Variants in SUGCT observed in about 807,000 individuals in gnomAD.
SUGCT encodes the protein succinyl-CoA:glutarate CoA-transferase.
In SUGCT, 41 loss-of-function variants were observed where a neutral mutation model predicts 55.0. The ratio of observed to expected loss-of-function variants is 0.74; its 90% CI spans 0.58 to 0.97. SUGCT has a LOEUF of 0.97. Among genes scored for constraint, SUGCT ranks in the 50% least tolerant of loss-of-function variants. SUGCT has a pLI of 0.00. For synonymous variants in SUGCT, 187 were observed against 200.4 expected, an observed-to-expected ratio of 0.93 and a Z score of 0.56; for missense variants, 568 against 547.8, an observed-to-expected ratio of 1.04 and a Z score of -0.37.
chr7:40,469,059 A>G (rs964835762), intron 11 of SUGCT, among the ~76,000 whole-genome samples: 1 of 152,166 alleles, frequency 6.6e-6, no homozygotes, highest in African/African-American at 2.4e-5. Flanking sequence ...CCACTCTCCC[A>G]TATCTACATG....
At chr7:40,483,478 C>A (rs773240649) in intron 11 of SUGCT, among the ~76,000 whole-genome samples, 1 of 152,056 alleles carries the variant, frequency 6.6e-6, no homozygotes, top group Non-Finnish European at 1.5e-5. Context: ...TCATAATAAG[C>A]TTATGAGATA....
At chr7:40,525,882 G>C (rs1199021273) in intron 12 of SUGCT, among the ~76,000 whole-genome samples, 1 of 152,142 alleles carries the variant, frequency 6.6e-6, no homozygotes, top group African/African-American at 2.4e-5. Flanking sequence ...TGCAGAAGAC[G>C]GTGTTTGCGT....
chr7:40,358,946 A>G (rs1245198675), intron 9 of SUGCT, among the ~76,000 whole-genome samples: 5 of 152,202 alleles, frequency 3.3e-5, no homozygotes, highest in Non-Finnish European at 4.4e-5. Flanking sequence ...TCTCTCAGGC[A>G]TAGGTAACTG....
chr7:40,811,965 TTG>T (rs1429039107), intron 13 of SUGCT, among the ~76,000 whole-genome samples: 1 of 152,146 alleles, frequency 6.6e-6, no homozygotes, highest in Non-Finnish European at 1.5e-5. Flanking sequence ...TTGAGGGTTT[TTG>T]TCATGAAGGG....
At position 40,548,389 on chromosome 7, in the gene SUGCT, G is replaced by GGTCTT. The variant is rs201195470; in HGVS notation, c.1089+52005_1089+52009dup. 1.3e-3 allele frequency among the ~76,000 whole-genome samples: 196 copies of GGTCTT among 151,896 alleles called. 4 individuals are homozygous for GGTCTT. The East Asian group carries it at 0.034, about 26-fold the overall frequency. On this transcript the variant is annotated intron_variant, in intron 12 of 13. Transcript: ENST00000335693. ...AATTTTTAACGGTTTTTGTAAGACA[G>GGTCTT]GTCTTGCTTTGTTGCTTAAGTGCAT...
chr7:40,527,315 T>G (rs1793851164), intron 12 of SUGCT, among the ~76,000 whole-genome samples: 1 of 152,224 alleles, frequency 6.6e-6, no homozygotes, highest in Non-Finnish European at 1.5e-5. Context: ...AGTTGCAGAT[T>G]GATAGGTCTT....
intron 13 of SUGCT, among the ~76,000 whole-genome samples, chr7:40,859,097 A>G (rs1331039465): frequency 6.6e-6 from 1 of 152,184 alleles, no homozygotes; most frequent in Non-Finnish European, 1.5e-5. Flanking sequence ...AAAAATTGAG[A>G]TAGGAATATC....
At chr7:40,653,285 ACATTT>A (rs1257274271) in intron 12 of SUGCT, among the ~76,000 whole-genome samples, 3 of 152,222 alleles carry the variant, frequency 2.0e-5, no homozygotes, top group African/African-American at 7.2e-5. Flanking sequence ...ATGTGTAACT[ACATTT>A]CTTTTTTCTT....
the SUGCT span, among the ~76,000 whole-genome samples, chr7:40,920,411 A>C: frequency 6.6e-6 from 1 of 152,174 alleles, no homozygotes; most frequent in South Asian, 2.1e-4. Context: ...AATATCTGCT[A>C]TCACCTGACC....
chr7:40,565,967 T>TCACA (rs377518526), intron 12 of SUGCT, among the ~76,000 whole-genome samples: 73 of 134,752 alleles, frequency 5.4e-4, no homozygotes, highest in East Asian at 3.9e-3. Context: ...ACCTGGCATA[T>TCACA]CACACACACA....
chr7:40,688,886 A>T (rs980192944), intron 12 of SUGCT, among the ~76,000 whole-genome samples: 127 of 152,010 alleles, frequency 8.4e-4, no homozygotes, highest in African/African-American at 2.1e-3. Flanking sequence ...TTCATATTTT[A>T]AAAAAAAATT....
the SUGCT span, among the ~76,000 whole-genome samples, chr7:41,012,180 T>C: frequency 6.6e-6 from 1 of 152,102 alleles, no homozygotes; most frequent in East Asian, 1.9e-4. Context: ...CCTCCCTCAT[T>C]AGTTCCGGTG....
At chr7:40,643,127 T>C (rs1488807298) in intron 12 of SUGCT, among the ~76,000 whole-genome samples, 2 of 152,186 alleles carry the variant, frequency 1.3e-5, no homozygotes. Context: ...TATTTTTCAG[T>C]GTGAACTTCC....
intron 7 of SUGCT, among the ~76,000 whole-genome samples, chr7:40,252,445 A>G (rs539079083): frequency 6.6e-6 from 1 of 152,222 alleles, no homozygotes; most frequent in African/African-American, 2.4e-5. Context: ...TTATTGTGAT[A>G]AATGTTTGGG....
chr7:40,792,221 C>T (rs1244443805), intron 13 of SUGCT, among the ~76,000 whole-genome samples: 1 of 152,020 alleles, frequency 6.6e-6, no homozygotes, highest in East Asian at 1.9e-4. Context: ...GCGCCTGTGT[C>T]GTAGAACAGG....
the SUGCT span, among the ~76,000 whole-genome samples, chr7:41,022,932 A>G: frequency 1.3e-5 from 2 of 152,224 alleles, no homozygotes; most frequent in African/African-American, 4.8e-5. Context: ...TATTTTAACA[A>G]TCCAAACATC....
chr7:40,445,452 A>G (rs1023220321), intron 9 of SUGCT, among the ~76,000 whole-genome samples: 2 of 152,214 alleles, frequency 1.3e-5, no homozygotes, highest in African/African-American at 2.4e-5. Flanking sequence ...AACCAGGAAG[A>G]AGTTGAATCC....
At chr7:40,631,604 T>C (rs1799791484) in intron 12 of SUGCT, among the ~76,000 whole-genome samples, 1 of 152,234 alleles carries the variant, frequency 6.6e-6, no homozygotes, top group Non-Finnish European at 1.5e-5. Context: ...AGACCTTACT[T>C]TTTGAAATCA....
At chr7:40,143,658 T>A (rs1410254902) in intron 1 of SUGCT, among the ~76,000 whole-genome samples, 2 of 152,226 alleles carry the variant, frequency 1.3e-5, no homozygotes, top group Admixed American at 6.5e-5. Flanking sequence ...ATTGCCGAAG[T>A]TTGTTTTAAG....
Sources: allele counts gnomAD v4.1 joint callset (sites outside exome capture counted in the v4.1 genomes callset), GRCh38; gene constraint gnomAD v4.1.1; transcripts MANE v1.5; gene names NCBI Gene and HGNC (gene_info 2026-07-23, HGNC 2026-07-21).